Variants in NRG1 observed in about 807,000 individuals in gnomAD.
NRG1 encodes pro-neuregulin-1, membrane-bound isoform.
NRG1 carries 18 observed loss-of-function variants against 63.8 expected under a neutral mutation model. The ratio of observed to expected loss-of-function variants is 0.28; its 90% CI spans 0.19 to 0.42. The LOEUF is 0.42. NRG1 is among the 10% of genes least tolerant of loss of function. The pLI, the probability that NRG1 is intolerant of heterozygous loss-of-function variation, is 1.00. For synonymous variants in NRG1, 302 were observed against 301.3 expected (o/e 1.00, Z -0.02); for missense variants, 762 against 814.7 (o/e 0.94, Z 0.79).
intron 1 of NRG1, among the ~76,000 whole-genome samples, chr8:31,881,868 G>A (rs991653206): frequency 1.3e-5 from 2 of 152,152 alleles, no homozygotes; most frequent in Non-Finnish European, 2.9e-5. Context: ...ACCTGGCAGA[G>A]GTTGGTTCAT....
intron 5 of NRG1, among the ~76,000 whole-genome samples, chr8:32,656,456 G>A (rs920576258): frequency 6.6e-6 from 1 of 152,162 alleles, no homozygotes; most frequent in African/African-American, 2.4e-5. Context: ...AGAAGCCAGT[G>A]CTGTTCTAGA....
intron 1 of NRG1, among the ~76,000 whole-genome samples, chr8:31,678,777 ATTAAATAT>A (rs929385089): frequency 2.1e-5 from 3 of 140,080 alleles, no homozygotes; most frequent in African/African-American, 3.0e-5. Context: ...TAATATTGAT[ATTAAATAT>A]TTAAATATTT....
chr8:32,742,137 T>A lies in NRG1; in HGVS notation c.633-538T>A, dbSNP rs749065092. 1 of 1,353,632 alleles carries A rather than the reference T, an allele frequency of 7.4e-7. No homozygotes were observed. Among genetic ancestry groups the A allele is most frequent in the Non-Finnish European group, 1.1e-6 (1 of 944,038 alleles). 83.9% of individuals were successfully genotyped at this position (1,353,632 alleles called of 1,614,324 possible). A position where few individuals can be genotyped will look rare whatever the true frequency, so the allele number is the denominator to read the frequency against. On this transcript the variant is annotated intron_variant, in intron 6 of 11. Coordinates refer to ENST00000356819, the Ensembl canonical transcript of NRG1. The surrounding 1 kb of genome is among the most constrained non-coding windows in gnomAD (Gnocchi z 4.2). The stretch of plus-strand genomic sequence containing the variant: ...AACTACAGCAACAATCACTACCACT[T>A]GGTGCTTTTACAGCTCAGTCGTAAC...
intron 1 of NRG1, among the ~76,000 whole-genome samples, chr8:32,157,433 G>A (rs1054959817): frequency 1.3e-5 from 2 of 150,772 alleles, no homozygotes; most frequent in Non-Finnish European, 3.0e-5. Context: ...AGGCCGAGGC[G>A]GGCGGATCAC....
chr8:32,006,881 C>A (rs926184784), intron 1 of NRG1, among the ~76,000 whole-genome samples: 12 of 152,040 alleles, frequency 7.9e-5, no homozygotes, highest in Non-Finnish European at 1.5e-4. Context: ...ACCCACAGAA[C>A]TGTGAAATAA....
At chr8:31,843,722 C>T (rs992463500) in intron 1 of NRG1, among the ~76,000 whole-genome samples, 6 of 152,206 alleles carry the variant, frequency 3.9e-5, no homozygotes, top group Admixed American at 3.9e-4. Context: ...CACTCTGCTT[C>T]TTCCCTTTCT....
Position 32,625,633 on chromosome 8 carries a change from T to C in NRG1, c.502+8748T>C, listed in dbSNP as rs191532372. ...TGGACTATTCTCATTATTTCAATGG[T>C]AGGGAAAGTAACATATAGATAGGGA... On this transcript the variant is annotated intron_variant, in intron 5 of 11. Coordinates refer to ENST00000356819, the Ensembl canonical transcript of NRG1. Among the ~76,000 whole-genome samples the C allele has an allele frequency of 1.4e-3, 206 of 152,280 alleles. 1 individual carries two copies. The highest frequency in any genetic ancestry group is 4.7e-3 in the African/African-American group (195 of 41,578).
In NRG1 at chr8:31,903,113, G is replaced by A. The variant is rs1044646816; in HGVS notation, c.37+263682G>A. Among the ~76,000 whole-genome samples, 3 of 151,480 alleles carry A rather than the reference G, an allele frequency of 2.0e-5. No individual in the cohort carries two copies. The East Asian group carries it at 5.8e-4, about 30-fold the overall frequency. The stretch of plus-strand genomic sequence containing the variant: ...GCATCAATTGCAAAATGTGAGTGAA[G>A]GAGGCTTCAGATGATTCTGGCCTAG... On this transcript the variant is annotated intron_variant, in intron 1 of 10. Coordinates refer to the NRG1 transcript ENST00000519301.
At chr8:32,200,653 G>A (rs1843409069) in intron 1 of NRG1, among the ~76,000 whole-genome samples, 1 of 152,146 alleles carries the variant, frequency 6.6e-6, no homozygotes, top group African/African-American at 2.4e-5. Flanking sequence ...TTATCACAAG[G>A]GGATCAGATA....
intron 1 of NRG1, among the ~76,000 whole-genome samples, chr8:32,566,282 G>C (rs1396153168): frequency 6.9e-6 from 1 of 145,514 alleles, no homozygotes; most frequent in South Asian, 2.2e-4. Flanking sequence ...GCTTGAACCT[G>C]GGAGGGGGAG....
At chr8:31,863,004 T>A (rs1022593838) in intron 1 of NRG1, among the ~76,000 whole-genome samples, 1 of 152,194 alleles carries the variant, frequency 6.6e-6, no homozygotes, top group African/African-American at 2.4e-5. Context: ...GTAGCTGCCA[T>A]TAGCTCCAGC....
chr8:32,332,738 GA>G (rs973120106), intron 1 of NRG1, among the ~76,000 whole-genome samples: 36 of 152,102 alleles, frequency 2.4e-4, no homozygotes, highest in Non-Finnish European at 5.0e-4. Context: ...CTAATCCAGG[GA>G]GTCTGGCTCC....
At chr8:32,493,841 A>G (rs564133173) in intron 1 of NRG1, among the ~76,000 whole-genome samples, 1 of 152,342 alleles carries the variant, frequency 6.6e-6, no homozygotes, top group South Asian at 2.1e-4. Flanking sequence ...GGATAATCCC[A>G]GATGATGTTG....
intron 1 of NRG1, among the ~76,000 whole-genome samples, chr8:32,048,816 G>C (rs1050450393): frequency 6.6e-6 from 1 of 151,820 alleles, no homozygotes; most frequent in African/African-American, 2.4e-5. Context: ...TAATCGGGTT[G>C]TTTTGTTGCT....
At chr8:31,653,045 C>T (rs1310772447) in intron 1 of NRG1, among the ~76,000 whole-genome samples, 1 of 134,248 alleles carries the variant, frequency 7.4e-6, no homozygotes, top group Admixed American at 7.8e-5. Flanking sequence ...CTCCCCTCCT[C>T]TCCTCTCCTC....
At chr8:32,049,818 T>C (rs1821681379) in intron 1 of NRG1, among the ~76,000 whole-genome samples, 1 of 152,120 alleles carries the variant, frequency 6.6e-6, no homozygotes, top group Non-Finnish European at 1.5e-5. Context: ...GAAATTGTCA[T>C]TGCAGACCCT....
chr8:31,921,871 C>A (rs1833948526), intron 1 of NRG1, among the ~76,000 whole-genome samples: 1 of 152,194 alleles, frequency 6.6e-6, no homozygotes, highest in African/African-American at 2.4e-5. Flanking sequence ...TAAAGTGGTA[C>A]ATAATATGCA....
At position 32,005,655 on chromosome 8, in the gene NRG1, C is replaced by T. The variant is rs550493949; in HGVS notation, c.37+366224C>T. Among the ~76,000 whole-genome samples the T allele has an allele frequency of 3.3e-5, 5 of 152,086 alleles. No homozygotes were observed. In the South Asian group the frequency reaches 1.0e-3, roughly 32 times the overall value. On this transcript the variant is annotated intron_variant, in intron 1 of 10. Coordinates refer to the NRG1 transcript ENST00000519301. ...GGCAATTGGTGTTATGCTTTAGACA[C>T]TTGACTGACAGTAAAAGTTTACTAT...
At chr8:32,065,627 A>G (rs1435262047) in intron 1 of NRG1, among the ~76,000 whole-genome samples, 3 of 152,198 alleles carry the variant, frequency 2.0e-5, no homozygotes, top group Non-Finnish European at 4.4e-5. Flanking sequence ...GCTATTGTGA[A>G]TAGTGCCACT....
Sources: allele counts gnomAD v4.1 joint callset (sites outside exome capture counted in the v4.1 genomes callset), GRCh38; gene constraint gnomAD v4.1.1; non-coding constraint Gnocchi (gnomAD v3.1); transcripts MANE v1.5; gene names NCBI Gene and HGNC (gene_info 2026-07-23, HGNC 2026-07-21).